Variants in ARHGAP26 observed in about 807,000 individuals in gnomAD.
The protein encoded by ARHGAP26 is rho GTPase-activating protein 26.
ARHGAP26 carries 38 observed loss-of-function variants against 104.8 expected under a neutral mutation model. The ratio of observed to expected loss-of-function variants is 0.36; its 90% CI spans 0.28 to 0.48. ARHGAP26 has a LOEUF of 0.48. Ranked by LOEUF, ARHGAP26 falls within the 20% of genes least tolerant of loss-of-function variation. The pLI is 0.99. For missense variants in ARHGAP26, 704 were observed against 947.9 expected, an observed-to-expected ratio of 0.74 and a Z score of 3.38; for synonymous variants, 341 against 340.0, an observed-to-expected ratio of 1.00 and a Z score of -0.03.
At position 143,226,589 on chromosome 5, in the gene ARHGAP26, T is replaced by C. The variant is rs139358671; in HGVS notation, c.*4143T>C. 310 of 207,718 alleles carry C rather than the reference T, an allele frequency of 1.5e-3. 1 individual carries two copies. Among genetic ancestry groups the C allele is most frequent in the Middle Eastern group, 4.9e-3 (3 of 612 alleles). The allele number at this position is 207,718 out of a possible 1,614,324, so 12.9% of individuals were successfully genotyped here. A position where few individuals can be genotyped will look rare whatever the true frequency, so the allele number is the denominator to read the frequency against. On this transcript the variant is annotated 3_prime_UTR_variant, in exon 23 of 23. Transcript: ENST00000645722. Reference sequence around the variant, plus strand: ...ACCCTGACTTGCTCAAGACAGAAGATCTTTTCTCCTGTTTTTCAAAATAAA... The same window carrying C: ...ACCCTGACTTGCTCAAGACAGAAGACCTTTTCTCCTGTTTTTCAAAATAAA...
intron 4 of ARHGAP26, among the ~76,000 whole-genome samples, chr5:142,879,699 C>G (rs1203648217): frequency 6.6e-6 from 1 of 152,184 alleles, no homozygotes; most frequent in Admixed American, 6.5e-5. Context: ...TGTGCTTGTT[C>G]ATAAATCATC....
chr5:142,938,014 T>A (rs1280863228), intron 11 of ARHGAP26, among the ~76,000 whole-genome samples: 1 of 152,142 alleles, frequency 6.6e-6, no homozygotes, highest in Admixed American at 6.5e-5. Context: ...TGCAGCAAAG[T>A]ATATGTGTAT....
At chr5:142,899,992 G>A (rs1354356852) in intron 6 of ARHGAP26, among the ~76,000 whole-genome samples, 1 of 152,190 alleles carries the variant, frequency 6.6e-6, no homozygotes, top group Admixed American at 6.5e-5. Context: ...ATAGTTAATA[G>A]GAGGAATGAC....
chr5:142,931,681 T>A (rs1764740801), intron 10 of ARHGAP26, among the ~76,000 whole-genome samples: 1 of 152,214 alleles, frequency 6.6e-6, no homozygotes, highest in African/African-American at 2.4e-5. Flanking sequence ...TCCACAAACA[T>A]TTATTGCATT....
chr5:142,862,448 T>G (rs7734738), intron 1 of ARHGAP26, among the ~76,000 whole-genome samples: 11,231 of 152,326 alleles, frequency 0.074, 903 homozygotes, highest in East Asian at 0.25. Context: ...CTTTTTCATT[T>G]AAAAGTTTTA....
intron 1 of ARHGAP26, among the ~76,000 whole-genome samples, chr5:142,849,442 G>C (rs1354554609): frequency 2.0e-5 from 3 of 152,228 alleles, no homozygotes; most frequent in Non-Finnish European, 4.4e-5. Context: ...GCCGCCGTGA[G>C]ATTTTGCTAA....
chr5:142,794,811 C>G (rs1356503045), intron 1 of ARHGAP26, among the ~76,000 whole-genome samples: 3 of 152,222 alleles, frequency 2.0e-5, no homozygotes, highest in Admixed American at 2.0e-4. Flanking sequence ...CAATGATTGA[C>G]TGCCCTGTAG....
At chr5:143,215,380 A>G (rs1271334033) in intron 22 of ARHGAP26, among the ~76,000 whole-genome samples, 2 of 152,244 alleles carry the variant, frequency 1.3e-5, no homozygotes, top group Non-Finnish European at 1.5e-5. Context: ...AATTGTTTTA[A>G]ACTATCAAAA....
chr5:142,791,703 C>T (rs542510969), intron 1 of ARHGAP26, among the ~76,000 whole-genome samples: 1 of 152,206 alleles, frequency 6.6e-6, no homozygotes, highest in African/African-American at 2.4e-5. Context: ...GTAGCTCATA[C>T]CTGTAATCCC....
In ARHGAP26 at chr5:142,837,717, G is replaced by A. The variant is rs144050915; in HGVS notation, c.155-35683G>A. On this transcript the variant is annotated intron_variant, in intron 1 of 22. Transcript: ENST00000645722. Reference sequence around the variant, plus strand: ...CCCTGATTCTTCTTGTTCCTTTTTGGGCATCATGGTTTATGAGATTCTGGA... The same window carrying A: ...CCCTGATTCTTCTTGTTCCTTTTTGAGCATCATGGTTTATGAGATTCTGGA... Among the ~76,000 whole-genome samples the A allele has an allele frequency of 3.1e-3, 467 of 152,046 alleles. 10 individuals carry two copies. The highest frequency in any genetic ancestry group is 9.7e-4 in the East Asian group (5 of 5,166).
intron 20 of ARHGAP26, among the ~76,000 whole-genome samples, chr5:143,206,921 C>T (rs1186875888): frequency 3.3e-5 from 5 of 152,208 alleles, no homozygotes; most frequent in African/African-American, 9.7e-5. Context: ...GGGCATTTGT[C>T]GCCAATGTAC....
At chr5:143,095,240 T>C (rs1294405605) in intron 17 of ARHGAP26, among the ~76,000 whole-genome samples, 1 of 151,784 alleles carries the variant, frequency 6.6e-6, no homozygotes, top group Non-Finnish European at 1.5e-5. Context: ...TAACATAAAT[T>C]AGCCATTTTA....
intron 8 of ARHGAP26, among the ~76,000 whole-genome samples, chr5:142,906,070 C>G (rs558617784): frequency 4.0e-4 from 61 of 152,170 alleles, no homozygotes; most frequent in Non-Finnish European, 6.8e-4. Flanking sequence ...CAGTTTTCTT[C>G]AGCATGGGTT....
At chr5:143,046,793 T>A (rs1032325580) in intron 14 of ARHGAP26, among the ~76,000 whole-genome samples, 2 of 152,198 alleles carry the variant, frequency 1.3e-5, no homozygotes, top group African/African-American at 4.8e-5. Flanking sequence ...TTTAAATAAA[T>A]TTTTTCCTGA....
At chr5:142,992,440 AT>A (rs538548504) in intron 11 of ARHGAP26, among the ~76,000 whole-genome samples, 300 of 146,202 alleles carry the variant, frequency 2.1e-3, no homozygotes, top group African/African-American at 6.4e-3. Context: ...TTTATTTTTT[AT>A]TTTTTTTTTT....
chr5:143,137,990 C>T (rs1184898246), intron 19 of ARHGAP26, among the ~76,000 whole-genome samples: 8 of 152,222 alleles, frequency 5.3e-5, no homozygotes, highest in Admixed American at 4.6e-4. Flanking sequence ...ACTTCAGGCT[C>T]ATGGTCTGGG....
At chr5:142,850,113 G>A (rs929170088) in intron 1 of ARHGAP26, among the ~76,000 whole-genome samples, 2 of 152,126 alleles carry the variant, frequency 1.3e-5, no homozygotes, top group Non-Finnish European at 2.9e-5. Context: ...TGTTCCCTAG[G>A]CCTCTTCAGA....
chr5:143,082,696 G>A (rs1046673274), intron 17 of ARHGAP26, among the ~76,000 whole-genome samples: 3 of 152,174 alleles, frequency 2.0e-5, no homozygotes, highest in African/African-American at 4.8e-5. Flanking sequence ...GCACATAAGC[G>A]TAATTACAGA....
At chr5:143,199,949 A>G (rs1423549824) in intron 20 of ARHGAP26, among the ~76,000 whole-genome samples, 2 of 152,228 alleles carry the variant, frequency 1.3e-5, no homozygotes, top group East Asian at 3.9e-4. Flanking sequence ...GGGGTCTCAC[A>G]TCTCCAGGTT....
Sources: allele counts gnomAD v4.1 joint callset (sites outside exome capture counted in the v4.1 genomes callset), GRCh38; gene constraint gnomAD v4.1.1; transcripts MANE v1.5; gene names NCBI Gene and HGNC (gene_info 2026-07-23, HGNC 2026-07-21).